Variants in ZC3H12B observed in about 807,000 individuals in gnomAD.
ZC3H12B encodes zinc finger CCCH-type containing 12B, also known as probable ribonuclease ZC3H12B.
ZC3H12B carries 7 observed loss-of-function variants against 43.9 expected under a neutral mutation model. The ratio of observed to expected loss-of-function variants is 0.16; its 90% confidence interval spans 0.09 to 0.30. The LOEUF (loss-of-function observed/expected upper bound fraction) is 0.30. Ranked by LOEUF, ZC3H12B falls within the 10% of genes least tolerant of loss-of-function variation. The pLI is 1.00. For synonymous variants in ZC3H12B, 222 were observed against 241.7 expected (o/e 0.92, Z 0.76); for missense variants, 475 against 670.2 (o/e 0.71, Z 3.22).
the ZC3H12B span, among the ~76,000 whole-genome samples, chrX:65,162,852 A>G: frequency 8.9e-6 from 1 of 111,900 alleles, no homozygotes; most frequent in Non-Finnish European, 1.9e-5. Flanking sequence ...TCTTCTTTTT[A>G]GAGTTTCCAG....
chrX:65,306,600 CCTG>C, the ZC3H12B span, among the ~76,000 whole-genome samples: 1 of 111,431 alleles, frequency 9.0e-6, no homozygotes, highest in Non-Finnish European at 1.9e-5. Flanking sequence ...CTCTCGAACT[CCTG>C]AGCTCAGGCA....
the ZC3H12B span, among the ~76,000 whole-genome samples, chrX:65,338,332 G>A: frequency 3.6e-5 from 4 of 111,546 alleles, no homozygotes; most frequent in African/African-American, 1.3e-4. Flanking sequence ...AAACTCTGAA[G>A]AGACCAATAT....
the ZC3H12B span, among the ~76,000 whole-genome samples, chrX:65,087,996 G>A: frequency 6.5e-4 from 73 of 111,771 alleles, no homozygotes; most frequent in African/African-American, 2.1e-3. Flanking sequence ...AAACACTTTT[G>A]CACTTAGTAA....
At chrX:65,219,553 G>T in the ZC3H12B span, among the ~76,000 whole-genome samples, 5 of 110,833 alleles carry the variant, frequency 4.5e-5, no homozygotes, top group Non-Finnish European at 9.4e-5. Flanking sequence ...GTAGAAGAAG[G>T]AACTTCAGAG....
intron 3 of ZC3H12B, among the ~76,000 whole-genome samples, chrX:65,438,346 C>T (rs769440218): frequency 2.9e-4 from 33 of 111,989 alleles, no homozygotes; most frequent in Non-Finnish European, 5.8e-4. Context: ...TCTTCCAATC[C>T]ATGATATGGA....
chrX:65,423,602 T>C (rs2067045951), intron 3 of ZC3H12B, among the ~76,000 whole-genome samples: 2 of 112,774 alleles, frequency 1.8e-5, no homozygotes, highest in Non-Finnish European at 3.7e-5. Flanking sequence ...ATTTCTCTAA[T>C]GACCAGTGAT....
chrX:65,205,494 C>A, the ZC3H12B span, among the ~76,000 whole-genome samples: 11 of 111,660 alleles, frequency 9.9e-5, no homozygotes, highest in Non-Finnish European at 1.5e-4. Context: ...ATGATTAAAA[C>A]CTTCAGCAAA....
At chrX:65,492,210 A>C (rs887927951) in intron 1 of ZC3H12B, among the ~76,000 whole-genome samples, 1 of 111,717 alleles carries the variant, frequency 9.0e-6, no homozygotes, top group Admixed American at 9.5e-5. Context: ...AACCTAAGGC[A>C]TTATTGGGGA....
chrX:65,338,847 C>T, the ZC3H12B span, among the ~76,000 whole-genome samples: 12 of 111,754 alleles, frequency 1.1e-4, no homozygotes, highest in South Asian at 1.1e-3. Flanking sequence ...ACAAAATTGG[C>T]GTTGAAGGAA....
intron 3 of ZC3H12B, among the ~76,000 whole-genome samples, chrX:65,399,596 G>A (rs995634215): frequency 1.8e-5 from 2 of 112,138 alleles, no homozygotes; most frequent in East Asian, 2.8e-4. Flanking sequence ...ATGTAAATTA[G>A]TACAACCACT....
chrX:65,161,563 T>A, the ZC3H12B span, among the ~76,000 whole-genome samples: 1 of 111,812 alleles, frequency 8.9e-6, no homozygotes, highest in African/African-American at 3.3e-5. Flanking sequence ...AAGTCTGTTT[T>A]ATCAGAGACT....
chrX:65,181,558 G>GA, the ZC3H12B span, among the ~76,000 whole-genome samples: 10 of 110,732 alleles, frequency 9.0e-5, no homozygotes, highest in African/African-American at 2.0e-4. Context: ...AAATTTACAA[G>GA]AAAAAAAATA....
chrX:65,490,776 G>A (rs1239390037), intron 1 of ZC3H12B, among the ~76,000 whole-genome samples: 1 of 111,240 alleles, frequency 9.0e-6, no homozygotes, highest in Admixed American at 9.6e-5. Flanking sequence ...ATTGCTTGAT[G>A]GACTCACTAG....
the ZC3H12B span, among the ~76,000 whole-genome samples, chrX:65,100,566 C>CAAAAAAAAAAAAAAA: frequency 2.6e-3 from 12 of 4,531 alleles, 3 homozygotes; most frequent in East Asian, 0.017. Flanking sequence ...AAAGATAAAG[C>CAAAAAAAAAAAAAAA]AAAAAAAAAA....
chrX:65,160,323 T>C, the ZC3H12B span, among the ~76,000 whole-genome samples: 1 of 111,920 alleles, frequency 8.9e-6, no homozygotes. Context: ...TTGGAATAGT[T>C]TCAGAAGGAA....
At chrX:65,422,522 C>T (rs192231514) in intron 3 of ZC3H12B, among the ~76,000 whole-genome samples, 1 of 106,120 alleles carries the variant, frequency 9.4e-6, no homozygotes, top group African/African-American at 3.9e-5. Flanking sequence ...TTTGATTAAA[C>T]ATTTTTTGAT....
the ZC3H12B span, among the ~76,000 whole-genome samples, chrX:65,126,049 GTT>G: frequency 8.5e-5 from 8 of 94,646 alleles, no homozygotes; most frequent in African/African-American, 2.7e-4. Flanking sequence ...TTGTGTGTGT[GTT>G]TTTTTTTTTT....
the ZC3H12B span, among the ~76,000 whole-genome samples, chrX:65,305,077 G>T: frequency 1.8e-5 from 2 of 111,878 alleles, no homozygotes; most frequent in Non-Finnish European, 3.8e-5. Context: ...TCTCATTAAA[G>T]AAATGCAATT....
chrX:65,285,164 G>T, the ZC3H12B span, among the ~76,000 whole-genome samples: 19 of 110,031 alleles, frequency 1.7e-4, no homozygotes, highest in Admixed American at 2.9e-4. Flanking sequence ...GGTGGTGTTT[G>T]GTTACATGGA....
Sources: allele counts gnomAD v4.1 joint callset (sites outside exome capture counted in the v4.1 genomes callset), GRCh38; gene constraint gnomAD v4.1.1; transcripts MANE v1.5; gene names NCBI Gene and HGNC (gene_info 2026-07-23, HGNC 2026-07-21).